Variants in WWOX observed in about 807,000 individuals in gnomAD.
WWOX encodes WW domain containing oxidoreductase, also known as WW domain-containing oxidoreductase.
Under a neutral mutation model 46.2 loss-of-function variants are expected in WWOX, and 69 were observed. The observed-to-expected ratio is 1.49, with a 90% confidence interval of 1.23 to 1.82. The LOEUF (loss-of-function observed/expected upper bound fraction) is 1.82. Ranked by LOEUF, WWOX falls within the 40% of genes most tolerant of loss-of-function variation. The pLI is 0.00. For missense variants in WWOX, 919 were observed against 542.6 expected (o/e 1.69, Z -6.89); for synonymous variants, 359 against 202.6 (o/e 1.77, Z -6.56).
At chr16:78,398,603 C>CT (rs1239777158) in intron 6 of WWOX, among the ~76,000 whole-genome samples, 1 of 152,152 alleles carries the variant, frequency 6.6e-6, no homozygotes, top group Non-Finnish European at 1.5e-5. Context: ...TTCGGGGATG[C>CT]TTTTTTCTAT....
At chr16:78,352,915 C>G (rs1489774836) in intron 5 of WWOX, among the ~76,000 whole-genome samples, 1 of 152,160 alleles carries the variant, frequency 6.6e-6, no homozygotes, top group African/African-American at 2.4e-5. Flanking sequence ...AAAGATCAAT[C>G]ATAGCACTAG....
At chr16:78,972,573 G>T (rs2046493170) in intron 8 of WWOX, among the ~76,000 whole-genome samples, 1 of 151,962 alleles carries the variant, frequency 6.6e-6, no homozygotes, top group Non-Finnish European at 1.5e-5. Flanking sequence ...TCATCAGCAG[G>T]TGTGTAAATG....
At chr16:78,266,602 C>T (rs927746071) in intron 5 of WWOX, among the ~76,000 whole-genome samples, 1 of 152,160 alleles carries the variant, frequency 6.6e-6, no homozygotes, top group African/African-American at 2.4e-5. Flanking sequence ...TGCTGACTAC[C>T]TGTAGGGATG....
chr16:78,280,429 A>G (rs576291179), intron 5 of WWOX, among the ~76,000 whole-genome samples: 22 of 152,230 alleles, frequency 1.4e-4, no homozygotes, highest in Non-Finnish European at 2.8e-4. Context: ...CTGGATATTG[A>G]GACGTTACCT....
Position 78,496,195 on chromosome 16 carries a change from C to A in WWOX, c.1056+63443C>A, listed in dbSNP as rs183313990. 1.6e-4 allele frequency: 24 copies of A among 152,294 alleles called. 1 individual carries two copies. The highest frequency in any genetic ancestry group is 1.4e-3 in the Admixed American group (22 of 15,302). 9.4% of individuals were successfully genotyped at this position (152,294 alleles called of 1,614,324 possible). A position where few individuals can be genotyped will look rare whatever the true frequency, so the allele number is the denominator to read the frequency against. ...ATTCTCGTCCCACCTCCCCATCACTCCTGACTACTTGAAACACGACTTCTG... is the reference window on the plus strand; with the variant it reads ...ATTCTCGTCCCACCTCCCCATCACTACTGACTACTTGAAACACGACTTCTG... On this transcript the variant is annotated intron_variant, in intron 8 of 8. Coordinates refer to ENST00000566780, the MANE Select transcript of WWOX (RefSeq NM_016373.4).
At chr16:78,323,408 G>A (rs575026513) in intron 5 of WWOX, among the ~76,000 whole-genome samples, 2 of 152,248 alleles carry the variant, frequency 1.3e-5, no homozygotes, top group Admixed American at 6.5e-5. Context: ...CCCGGCCGGG[G>A]ATCTTGTATT....
At chr16:78,867,228 T>G (rs113967278) in intron 8 of WWOX, among the ~76,000 whole-genome samples, 8 of 152,190 alleles carry the variant, frequency 5.3e-5, no homozygotes, top group African/African-American at 1.9e-4. Flanking sequence ...GTGCAAGAAG[T>G]TTAGGTGCAA....
chr16:79,020,702 G>T (rs1355230762), intron 8 of WWOX, among the ~76,000 whole-genome samples: 1 of 152,166 alleles, frequency 6.6e-6, no homozygotes, highest in East Asian at 1.9e-4. Context: ...GTGGTGAGTA[G>T]GATAAAGCTC....
intron 8 of WWOX, among the ~76,000 whole-genome samples, chr16:78,925,364 C>T (rs1243923413): frequency 1.3e-5 from 2 of 152,128 alleles, no homozygotes; most frequent in Admixed American, 6.5e-5. Flanking sequence ...AAAGGGAGAT[C>T]CACCCTTCTC....
At chr16:78,105,049 G>A (rs1205168999) in intron 1 of WWOX, among the ~76,000 whole-genome samples, 8 of 152,230 alleles carry the variant, frequency 5.3e-5, no homozygotes, top group African/African-American at 1.9e-4. Flanking sequence ...AGGGATGGTT[G>A]TGTCCTGCAG....
chr16:78,295,488 G>T (rs2079930022), intron 5 of WWOX, among the ~76,000 whole-genome samples: 1 of 152,158 alleles, frequency 6.6e-6, no homozygotes, highest in Admixed American at 6.5e-5. Context: ...GAGGTGGGTG[G>T]ATCACCTGAA....
chr16:78,761,378 T>G (rs778400059), intron 8 of WWOX, among the ~76,000 whole-genome samples: 1 of 152,148 alleles, frequency 6.6e-6, no homozygotes, highest in Non-Finnish European at 1.5e-5. Context: ...GGAGAACTCT[T>G]TAGCATTTAC....
At chr16:79,103,471 T>C (rs1448316762) in intron 8 of WWOX, among the ~76,000 whole-genome samples, 2 of 152,144 alleles carry the variant, frequency 1.3e-5, no homozygotes, top group East Asian at 1.9e-4. Context: ...ATTTTGTGCC[T>C]CTTCCCCTGT....
chr16:78,882,210 C>T (rs185383563), intron 8 of WWOX, among the ~76,000 whole-genome samples: 124 of 152,240 alleles, frequency 8.1e-4, no homozygotes, highest in African/African-American at 2.9e-3. Context: ...TGTCATAAAG[C>T]CAATACTTTC....
At chr16:78,246,723 T>G (rs923478877) in intron 5 of WWOX, among the ~76,000 whole-genome samples, 19 of 152,190 alleles carry the variant, frequency 1.2e-4, no homozygotes, top group African/African-American at 4.3e-4. Context: ...CTGAAGCCAG[T>G]TCCCCCCGAC....
At chr16:78,685,805 G>A (rs533411357) in intron 8 of WWOX, among the ~76,000 whole-genome samples, 19 of 152,022 alleles carry the variant, frequency 1.2e-4, no homozygotes, top group African/African-American at 4.1e-4. Flanking sequence ...CTGTAATCTC[G>A]GTCACTGTTG....
At chr16:78,585,265 CAAGAG>C (rs2045167891) in intron 8 of WWOX, among the ~76,000 whole-genome samples, 2 of 152,136 alleles carry the variant, frequency 1.3e-5, no homozygotes, top group Non-Finnish European at 2.9e-5. Context: ...TATTTAGGGC[CAAGAG>C]AAGACCAGGC....
intron 5 of WWOX, among the ~76,000 whole-genome samples, chr16:78,342,865 C>T (rs2081039805): frequency 8.3e-6 from 1 of 120,398 alleles, no homozygotes. Flanking sequence ...AGTGAGGGGA[C>T]CCAGAATGAT....
At chr16:79,070,625 G>C (rs368967302) in intron 8 of WWOX, among the ~76,000 whole-genome samples, 1 of 152,316 alleles carries the variant, frequency 6.6e-6, no homozygotes, top group South Asian at 2.1e-4. Flanking sequence ...AGGGAGGAAG[G>C]AAGAGGCACA....
Sources: allele counts gnomAD v4.1 joint callset (sites outside exome capture counted in the v4.1 genomes callset), GRCh38; gene constraint gnomAD v4.1.1; transcripts MANE v1.5; gene names NCBI Gene and HGNC (gene_info 2026-07-23, HGNC 2026-07-21).